The following XPR1 variants were observed in gnomAD, a reference collection of about 807,000 sequenced individuals.
XPR1 encodes xenotropic and polytropic retrovirus receptor 1, also known as solute carrier family 53 member 1.
In XPR1, 28 loss-of-function variants were observed where a neutral mutation model predicts 87.5. The ratio of observed to expected loss-of-function variants is 0.32; its 90% CI spans 0.24 to 0.44. The LOEUF (loss-of-function observed/expected upper bound fraction) is 0.44. Among genes scored for constraint, XPR1 ranks in the 20% least tolerant of loss-of-function variants. The probability of loss-of-function intolerance (pLI) is 1.00; values close to 1 mark genes in which losing one functional copy is unlikely to be tolerated. For synonymous variants in XPR1, 300 were observed against 306.1 expected (o/e 0.98, Z 0.21); for missense variants, 559 against 862.3 (o/e 0.65, Z 4.41).
chr1:180,684,469 G>A (rs1319137041), intron 2 of XPR1, among the ~76,000 whole-genome samples: 6 of 152,050 alleles, frequency 3.9e-5, no homozygotes, highest in African/African-American at 9.7e-5. Flanking sequence ...TTGGCGATGC[G>A]GGCTCTTTTT....
chr1:180,634,369 T>A (rs923091558), intron 1 of XPR1, among the ~76,000 whole-genome samples: 1 of 152,202 alleles, frequency 6.6e-6, no homozygotes, highest in Non-Finnish European at 1.5e-5. Flanking sequence ...GCACTTTTCT[T>A]TGTAAGTTGG....
chr1:180,846,825 G>A (rs186865596), intron 11 of XPR1, among the ~76,000 whole-genome samples: 9 of 148,522 alleles, frequency 6.1e-5, no homozygotes, highest in East Asian at 2.0e-4. Flanking sequence ...GAAACTTTTC[G>A]TACACTACAC....
intron 2 of XPR1, among the ~76,000 whole-genome samples, chr1:180,709,126 G>A (rs1657666724): frequency 6.6e-6 from 1 of 152,050 alleles, no homozygotes; most frequent in Non-Finnish European, 1.5e-5. Context: ...TGGCCAGGCT[G>A]GTCTCAAACT....
intron 2 of XPR1, among the ~76,000 whole-genome samples, chr1:180,740,787 T>C (rs558346329): frequency 6.6e-6 from 1 of 152,278 alleles, no homozygotes; most frequent in African/African-American, 2.4e-5. Context: ...GAAATTTGTT[T>C]CTCTTAGCAC....
intron 2 of XPR1, among the ~76,000 whole-genome samples, chr1:180,750,102 A>G (rs1237773600): frequency 1.3e-5 from 2 of 152,184 alleles, no homozygotes; most frequent in African/African-American, 4.8e-5. Context: ...ATTTTTTAAG[A>G]AATTGAAGTA....
chr1:180,824,308 C>A (rs777572330), intron 7 of XPR1, among the ~76,000 whole-genome samples: 1 of 152,134 alleles, frequency 6.6e-6, no homozygotes, highest in African/African-American at 2.4e-5. Context: ...TTTGGCCAGG[C>A]GGGGTGGTTC....
chr1:180,840,711 A>G (rs1311777983), intron 11 of XPR1, among the ~76,000 whole-genome samples: 3 of 152,030 alleles, frequency 2.0e-5, no homozygotes, highest in Middle Eastern at 6.8e-3. Flanking sequence ...AAAACCTTAT[A>G]GTTACATGTT....
At chr1:180,752,420 G>A (rs1259199621) in intron 2 of XPR1, among the ~76,000 whole-genome samples, 4 of 152,082 alleles carry the variant, frequency 2.6e-5, no homozygotes, top group African/African-American at 7.2e-5. Flanking sequence ...GACAGTATTG[G>A]TATCTCCCTA....
At chr1:180,846,577 G>T (rs1343293570) in intron 11 of XPR1, among the ~76,000 whole-genome samples, 2 of 151,692 alleles carry the variant, frequency 1.3e-5, no homozygotes, top group African/African-American at 2.4e-5. Context: ...GAGTAGCTGG[G>T]ATTACACACG....
chr1:180,662,930 A>G (rs1399624210), intron 1 of XPR1, among the ~76,000 whole-genome samples: 3 of 152,108 alleles, frequency 2.0e-5, no homozygotes, highest in Admixed American at 6.5e-5. Flanking sequence ...TGCATTCTTC[A>G]GTATGTCAGT....
intron 1 of XPR1, among the ~76,000 whole-genome samples, chr1:180,650,912 T>C (rs926465027): frequency 6.6e-6 from 1 of 152,224 alleles, no homozygotes; most frequent in Non-Finnish European, 1.5e-5. Context: ...GCCTGTAGAA[T>C]ATGTTTTCTG....
chr1:180,780,828 C>T (rs1571831570), intron 2 of XPR1, among the ~76,000 whole-genome samples: 1 of 151,634 alleles, frequency 6.6e-6, no homozygotes, highest in African/African-American at 2.4e-5. Context: ...ATACTAAACC[C>T]TTGTCAGATA....
intron 2 of XPR1, among the ~76,000 whole-genome samples, chr1:180,694,075 A>T (rs1657082610): frequency 1.3e-5 from 2 of 152,100 alleles, no homozygotes; most frequent in Non-Finnish European, 2.9e-5. Context: ...GTCCCACCTC[A>T]GTCTCCCGAG....
chr1:180,695,055 T>A (rs1206715143), intron 2 of XPR1, among the ~76,000 whole-genome samples: 1 of 152,154 alleles, frequency 6.6e-6, no homozygotes, highest in Non-Finnish European at 1.5e-5. Flanking sequence ...TTCAGCAGTA[T>A]TGTTATTTTT....
intron 11 of XPR1, among the ~76,000 whole-genome samples, chr1:180,849,035 C>T (rs1228513151): frequency 1.3e-5 from 2 of 152,118 alleles, no homozygotes; most frequent in Non-Finnish European, 2.9e-5. Context: ...TAGCAAAATA[C>T]TATACACACA....
chr1:180,716,725 T>C (rs368119978), intron 2 of XPR1, among the ~76,000 whole-genome samples: 12 of 152,216 alleles, frequency 7.9e-5, no homozygotes, highest in Non-Finnish European at 1.5e-4. Flanking sequence ...TCACCTCTCT[T>C]AAGATTCTTC....
intron 2 of XPR1, among the ~76,000 whole-genome samples, chr1:180,754,333 A>C (rs1647643312): frequency 6.6e-6 from 1 of 152,172 alleles, no homozygotes; most frequent in Admixed American, 6.5e-5. Flanking sequence ...TATACATGTG[A>C]AATTTTCCAC....
chr1:180,794,301 A>G (rs548140369), intron 3 of XPR1, among the ~76,000 whole-genome samples: 1 of 152,376 alleles, frequency 6.6e-6, no homozygotes, highest in East Asian at 1.9e-4. Flanking sequence ...TAGAAAAGGT[A>G]CAGTAAAAAT....
At chr1:180,843,091 C>T (rs1325264626) in intron 11 of XPR1, among the ~76,000 whole-genome samples, 4 of 152,140 alleles carry the variant, frequency 2.6e-5, no homozygotes, top group Non-Finnish European at 5.9e-5. Flanking sequence ...GGGCCTTCAG[C>T]GCCTATCATT....
Sources: allele counts gnomAD v4.1 joint callset (sites outside exome capture counted in the v4.1 genomes callset), GRCh38; gene constraint gnomAD v4.1.1; transcripts MANE v1.5; gene names NCBI Gene and HGNC (gene_info 2026-07-23, HGNC 2026-07-21).